The following GPC6 variants were observed in gnomAD, a reference collection of about 807,000 sequenced individuals.
GPC6 encodes the protein glypican-6.
A neutral mutation model predicts 55.2 loss-of-function variants in GPC6; 14 were observed. The ratio of observed to expected loss-of-function variants is 0.25; its 90% CI spans 0.17 to 0.40. GPC6 has a LOEUF of 0.40. GPC6 is among the 10% of genes least tolerant of loss of function. The pLI is 1.00. For synonymous variants in GPC6, 278 were observed against 259.6 expected, an observed-to-expected ratio of 1.07 and a Z score of -0.68; for missense variants, 641 against 708.5, an observed-to-expected ratio of 0.90 and a Z score of 1.08.
intron 4 of GPC6, among the ~76,000 whole-genome samples, chr13:94,248,433 A>C (rs779997108): frequency 9.2e-5 from 14 of 152,132 alleles, no homozygotes; most frequent in Non-Finnish European, 2.1e-4. Flanking sequence ...ATAGAACCTT[A>C]TGTCCCTATT....
Position 93,703,688 on chromosome 13 carries a change from C to T in GPC6, c.320-126466C>T, listed in dbSNP as rs760389027. On this transcript the variant is annotated intron_variant, in intron 2 of 8. Transcript: ENST00000377047. ...GTAACAAAGATATCTAAACTTATGA[C>T]AAGTTAAAAATGGTAAATGCTATAG... 3.9e-5 allele frequency among the ~76,000 whole-genome samples: 6 copies of T among 151,916 alleles called. No individual in the cohort carries two copies. The South Asian group carries it at 1.2e-3, about 32-fold the overall frequency.
intron 2 of GPC6, among the ~76,000 whole-genome samples, chr13:93,584,775 A>C (rs1388506327): frequency 1.5e-5 from 2 of 132,548 alleles, no homozygotes; most frequent in Non-Finnish European, 1.5e-5. Context: ...TGCAACCTCC[A>C]CCTCCTGGGC....
chr13:93,305,911 C>G (rs1878841640), intron 1 of GPC6, among the ~76,000 whole-genome samples: 1 of 152,112 alleles, frequency 6.6e-6, no homozygotes, highest in South Asian at 2.1e-4. Flanking sequence ...ATGCACTGAA[C>G]TATATTAGAA....
chr13:94,030,826 AAG>A (rs548633359), intron 4 of GPC6, among the ~76,000 whole-genome samples: 61 of 152,338 alleles, frequency 4.0e-4, no homozygotes, highest in African/African-American at 1.3e-3. Context: ...CAATAAAAAC[AAG>A]AGTCAAACTG....
intron 2 of GPC6, among the ~76,000 whole-genome samples, chr13:93,716,078 CAT>C (rs1276284095): frequency 1.3e-5 from 2 of 151,686 alleles, no homozygotes; most frequent in East Asian, 3.9e-4. Flanking sequence ...GTGCATTACT[CAT>C]GTGTTTGTGG....
chr13:94,057,028 G>A (rs1055900370), intron 4 of GPC6, among the ~76,000 whole-genome samples: 19 of 152,138 alleles, frequency 1.2e-4, no homozygotes, highest in Non-Finnish European at 2.8e-4. Context: ...ATGGTTTATT[G>A]AAACAAAGCT....
intron 6 of GPC6, among the ~76,000 whole-genome samples, chr13:94,375,316 G>GA (rs1407205424): frequency 6.6e-6 from 1 of 151,634 alleles, no homozygotes; most frequent in Non-Finnish European, 1.5e-5. Flanking sequence ...GACTAATAAA[G>GA]AAAAAAAGAG....
rs1160004646 is a variant in GPC6, at chr13:94,372,669, G to T, written c.1153-9745G>T. The stretch of plus-strand genomic sequence containing the variant: ...CCCGCCATTGCCCAGGCTTGATTAG[G>T]TAAACAAAGCAGCCTGGAAGCTCGA... On this transcript the variant is annotated intron_variant, in intron 6 of 8. Coordinates refer to ENST00000377047, the MANE Select transcript of GPC6 (RefSeq NM_005708.5). Among the ~76,000 whole-genome samples, 11 of 152,076 alleles carry T rather than the reference G, an allele frequency of 7.2e-5. No homozygotes were observed. The South Asian group carries it at 1.0e-3, about 14-fold the overall frequency.
chr13:93,521,150 A>G (rs957877188), intron 1 of GPC6, among the ~76,000 whole-genome samples: 2 of 151,998 alleles, frequency 1.3e-5, no homozygotes, highest in East Asian at 1.9e-4. Flanking sequence ...TCTGAAAACC[A>G]TCACCTATAA....
chr13:93,559,380 C>T lies in GPC6; in HGVS notation c.319+13959C>T, dbSNP rs180717347. Among the ~76,000 whole-genome samples, 3 of 152,158 alleles carry T rather than the reference C, an allele frequency of 2.0e-5. No homozygotes were observed. In the East Asian group the frequency reaches 5.8e-4, roughly 29 times the overall value. ...TAAAGTTTTCCCCCACAGTATTATA[C>T]ACAAATATATAGGACAAGGATCCTA... On this transcript the variant is annotated intron_variant, in intron 2 of 8. Transcript: ENST00000377047.
At chr13:93,629,547 G>C (rs530899773) in intron 2 of GPC6, among the ~76,000 whole-genome samples, 3 of 152,224 alleles carry the variant, frequency 2.0e-5, no homozygotes, top group African/African-American at 7.2e-5. Context: ...TCAGTTAATA[G>C]AAAGTTAGAA....
At chr13:94,392,018 CCAT>C (rs2139219519) in intron 7 of GPC6, among the ~76,000 whole-genome samples, 1 of 152,276 alleles carries the variant, frequency 6.6e-6, no homozygotes, top group African/African-American at 2.4e-5. Flanking sequence ...TATGTGTATA[CCAT>C]ATTTTATTTC....
At chr13:93,941,549 A>G (rs1333751086) in intron 3 of GPC6, among the ~76,000 whole-genome samples, 1 of 152,166 alleles carries the variant, frequency 6.6e-6, no homozygotes, top group Non-Finnish European at 1.5e-5. Context: ...TCTAGTCAGT[A>G]GATTTTATTT....
At chr13:94,374,606 A>G (rs2139197440) in intron 6 of GPC6, among the ~76,000 whole-genome samples, 1 of 149,752 alleles carries the variant, frequency 6.7e-6, no homozygotes, top group Admixed American at 6.7e-5. Context: ...CCACACATTA[A>G]TAATGGGAGA....
At chr13:93,821,332 T>C (rs1594486859) in intron 2 of GPC6, among the ~76,000 whole-genome samples, 2 of 152,166 alleles carry the variant, frequency 1.3e-5, no homozygotes, top group African/African-American at 4.8e-5. Flanking sequence ...CTGAAACACT[T>C]GTTTTCAAGC....
chr13:93,639,471 T>C (rs539168744), intron 2 of GPC6, among the ~76,000 whole-genome samples: 1 of 152,248 alleles, frequency 6.6e-6, no homozygotes, highest in East Asian at 1.9e-4. Flanking sequence ...ATTTTGAGTA[T>C]TCCGTGTTAT....
At chr13:93,799,649 A>G (rs939424771) in intron 2 of GPC6, among the ~76,000 whole-genome samples, 4 of 152,216 alleles carry the variant, frequency 2.6e-5, no homozygotes, top group Non-Finnish European at 5.9e-5. Context: ...AACTTGCTCT[A>G]TGACTCCTTT....
chr13:94,184,757 G>A (rs1292846265), intron 4 of GPC6, among the ~76,000 whole-genome samples: 6 of 152,138 alleles, frequency 3.9e-5, no homozygotes, highest in Non-Finnish European at 8.8e-5. Context: ...ATTTAAAACA[G>A]AACTACCATT....
At chr13:93,698,692 G>A (rs1882560780) in intron 2 of GPC6, among the ~76,000 whole-genome samples, 1 of 151,178 alleles carries the variant, frequency 6.6e-6, no homozygotes, top group South Asian at 2.1e-4. Flanking sequence ...CCATCTTCTG[G>A]GAGAAATCCT....
Sources: allele counts gnomAD v4.1 joint callset (sites outside exome capture counted in the v4.1 genomes callset), GRCh38; gene constraint gnomAD v4.1.1; transcripts MANE v1.5; gene names NCBI Gene and HGNC (gene_info 2026-07-23, HGNC 2026-07-21).